Variants in CAPZA2 observed in about 807,000 individuals in gnomAD.
CAPZA2 encodes the protein F-actin-capping protein subunit alpha-2.
CAPZA2 carries 13 observed loss-of-function variants against 44.0 expected under a neutral mutation model. The ratio of observed to expected loss-of-function variants is 0.30; its 90% CI spans 0.19 to 0.47. The LOEUF (loss-of-function observed/expected upper bound fraction) is 0.47. Among genes scored for constraint, CAPZA2 ranks in the 20% least tolerant of loss-of-function variants. CAPZA2 has a pLI of 1.00. For missense variants in CAPZA2, 244 were observed against 338.6 expected (o/e 0.72, Z 2.19); for synonymous variants, 94 against 108.2 (o/e 0.87, Z 0.81).
rs1300012128 is a variant in CAPZA2 at position 116,919,058 on chromosome 7, G to A, written c.*1191G>A. The A allele has an allele frequency of 3.3e-5, 5 of 150,924 alleles. No homozygotes were observed. The highest frequency in any genetic ancestry group is 5.9e-5 in the Non-Finnish European group (4 of 67,830). The allele number at this position is 150,924 out of a possible 1,614,324, so 9.3% of individuals were successfully genotyped here. On this transcript the variant is annotated 3_prime_UTR_variant, in exon 10 of 10. Transcript: ENST00000361183. ...CCTTTCCTCACGTACTCCCACAGAC[G>A]TCTGGGCCTGGAAATTTTTTTTTTA...
At chr7:116,870,075 G>A (rs1796532711) in intron 1 of CAPZA2, among the ~76,000 whole-genome samples, 1 of 152,256 alleles carries the variant, frequency 6.6e-6, no homozygotes, top group African/African-American at 2.4e-5. Flanking sequence ...CCTAATTTCA[G>A]AAAGGTCAGG....
At chr7:116,894,890 C>T (rs971794791) in intron 3 of CAPZA2, among the ~76,000 whole-genome samples, 6 of 151,928 alleles carry the variant, frequency 3.9e-5, no homozygotes, top group Admixed American at 3.3e-4. Context: ...TTTGTTTATC[C>T]GTTTATCTTC....
rs892707107 is a variant in CAPZA2 at position 116,920,481 on chromosome 7, T to C, written c.*2614T>C. On this transcript the variant is annotated 3_prime_UTR_variant, in exon 10 of 10. Transcript: ENST00000361183. Reference sequence around the variant, plus strand: ...TGAGGTGGTTGCTGTAGAGGTGGTATAAAGCAGTGAGGTCTAGGTATATCC... The same window carrying C: ...TGAGGTGGTTGCTGTAGAGGTGGTACAAAGCAGTGAGGTCTAGGTATATCC... 13 of 152,174 alleles carry C rather than the reference T, an allele frequency of 8.5e-5. No individual in the cohort carries two copies. Among genetic ancestry groups the C allele is most frequent in the African/African-American group, 2.9e-4 (12 of 41,386 alleles). 9.4% of individuals were successfully genotyped at this position (152,174 alleles called of 1,614,324 possible).
chr7:116,862,936 C>CGGGCGCG (rs1796436357), intron 1 of CAPZA2, among the ~76,000 whole-genome samples: 1 of 152,004 alleles, frequency 6.6e-6, no homozygotes, highest in Non-Finnish European at 1.5e-5. Context: ...GGCGCGGGCG[C>CGGGCGCG]GGGGGAGGGC....
chr7:116,891,602 C>T lies in CAPZA2; in HGVS notation c.104-1392C>T, dbSNP rs1217026520. Among the ~76,000 whole-genome samples the T allele has an allele frequency of 2.0e-5, 3 of 152,162 alleles. No individual in the cohort carries two copies. In the East Asian group the frequency reaches 5.8e-4, roughly 29 times the overall value. On this transcript the variant is annotated intron_variant, in intron 2 of 9. Coordinates refer to ENST00000361183, the MANE Select transcript of CAPZA2 (RefSeq NM_006136.3). Reference sequence around the variant, plus strand: ...TCTCGGCTCACTGCAAGCTCCGCCTCCCGGGTTCACGCCATTCTCCTGCCT... The same window carrying T: ...TCTCGGCTCACTGCAAGCTCCGCCTTCCGGGTTCACGCCATTCTCCTGCCT...
chr7:116,884,855 T>G (rs182794382), intron 1 of CAPZA2, among the ~76,000 whole-genome samples: 3 of 152,358 alleles, frequency 2.0e-5, no homozygotes, highest in Non-Finnish European at 4.4e-5. Context: ...TGAATGATTT[T>G]GCATTTCCAC....
At chr7:116,880,049 A>ATTT in intron 1 of CAPZA2, 1 of 461,024 alleles carries the variant, frequency 2.2e-6, no homozygotes, top group Non-Finnish European at 4.5e-6. Flanking sequence ...GCTCTGATTG[A>ATTT]TTTTTTTTTC....
chr7:116,900,829 G>A (rs989695530), intron 4 of CAPZA2, among the ~76,000 whole-genome samples: 4 of 151,738 alleles, frequency 2.6e-5, no homozygotes, highest in African/African-American at 4.8e-5. Context: ...AAAAACAAGC[G>A]CATTAAAAAG....
chr7:116,884,744 G>A (rs1208325989), intron 1 of CAPZA2, among the ~76,000 whole-genome samples: 1 of 152,124 alleles, frequency 6.6e-6, no homozygotes, highest in African/African-American at 2.4e-5. Flanking sequence ...AAATAAGTTT[G>A]CATTTCTGAA....
Position 116,893,065 on chromosome 7 carries a change from C to G in CAPZA2, c.155+20C>G. ...AGCCCAGTAAGTATTATTTATCATA[C>G]TAACCTAACTAAAATGACATGGGAA... On this transcript the variant is annotated intron_variant, in intron 3 of 9. Coordinates refer to ENST00000361183, the MANE Select transcript of CAPZA2 (RefSeq NM_006136.3). The G allele has an allele frequency of 6.8e-7, 1 of 1,478,788 alleles. No individual in the cohort carries two copies. Among genetic ancestry groups the G allele is most frequent in the Non-Finnish European group, 9.3e-7 (1 of 1,076,846 alleles). The allele number at this position is 1,478,788 out of a possible 1,614,324, so 91.6% of individuals were successfully genotyped here. A position where few individuals can be genotyped will look rare whatever the true frequency, so the allele number is the denominator to read the frequency against.
Position 116,918,059 on chromosome 7 carries a change from T to C in CAPZA2, c.*192T>C, listed in dbSNP as rs150060817. 93 of 490,436 alleles carry C rather than the reference T, an allele frequency of 1.9e-4. No individual in the cohort carries two copies. In the East Asian group the frequency reaches 2.8e-3, roughly 15 times the overall value. The allele number at this position is 490,436 out of a possible 1,614,324, so 30.4% of individuals were successfully genotyped here. On this transcript the variant is annotated 3_prime_UTR_variant, in exon 10 of 10. Transcript: ENST00000361183. ...TTTCATTTTGTTTGTTCTAAGAGGA[T>C]TGAAAATCAGTTTAGTTTAAATGTC...
At chr7:116,911,979 T>G in intron 7 of CAPZA2, 90 bp from the exon 8 acceptor site, 1 of 1,577,668 alleles carries the variant, frequency 6.3e-7, no homozygotes, top group South Asian at 1.1e-5. Context: ...AGCTGAAATA[T>G]GTAGTCAGTC....
At chr7:116,874,212 C>A in intron 1 of CAPZA2, 1 of 155,268 alleles carries the variant, frequency 6.4e-6, no homozygotes. Flanking sequence ...ATATGCTTTA[C>A]CTTCCATTTA....
chr7:116,888,276 C>T (rs1562959478), intron 2 of CAPZA2, 86 bp downstream of exon 2: 1 of 866,880 alleles, frequency 1.2e-6, no homozygotes, highest in Non-Finnish European at 1.8e-6. Context: ...AAGCTAAGGA[C>T]AGTATGCAGA....
chr7:116,865,172 C>CT (rs1796467030), intron 1 of CAPZA2, among the ~76,000 whole-genome samples: 1 of 126,006 alleles, frequency 7.9e-6, no homozygotes, highest in African/African-American at 3.2e-5. Flanking sequence ...ATTATGCGCT[C>CT]TCTTCTTTTT....
intron 3 of CAPZA2, among the ~76,000 whole-genome samples, chr7:116,897,270 C>G (rs533396323): frequency 1.3e-5 from 2 of 152,070 alleles, no homozygotes; most frequent in African/African-American, 2.4e-5. Context: ...TTAATAATGC[C>G]CTGGCTGTAT....
At chr7:116,869,969 A>G (rs1225371077) in intron 1 of CAPZA2, among the ~76,000 whole-genome samples, 1 of 152,180 alleles carries the variant, frequency 6.6e-6, no homozygotes, top group Non-Finnish European at 1.5e-5. Context: ...TCCCGGGTTC[A>G]GGCAATTCTC....
chr7:116,867,127 C>A (rs924334698), intron 1 of CAPZA2, among the ~76,000 whole-genome samples: 7 of 152,116 alleles, frequency 4.6e-5, no homozygotes, highest in African/African-American at 1.7e-4. Flanking sequence ...AAAGTTAATT[C>A]ATTTATATTA....
rs868789486 is a variant in CAPZA2 at position 116,866,205 on chromosome 7, A to G, written c.39+3555A>G. 1.5e-3 allele frequency among the ~76,000 whole-genome samples: 214 copies of G among 139,870 alleles called. 1 individual carries two copies. Among genetic ancestry groups the G allele is most frequent in the African/African-American group, 5.4e-3 (201 of 36,978 alleles). The allele number at this position is 139,870 out of a possible 152,430, so 91.8% of individuals were successfully genotyped here. A position where few individuals can be genotyped will look rare whatever the true frequency, so the allele number is the denominator to read the frequency against. The stretch of plus-strand genomic sequence containing the variant: ...CATAGACTTTTTTTTTTTTTTTTTG[A>G]GACGGAGTCTCGCTCTTTCACCCAG... On this transcript the variant is annotated intron_variant, in intron 1 of 9. Transcript: ENST00000361183.
Sources: gnomAD v4.1 joint callset for allele counts (sites outside exome capture counted in the v4.1 genomes callset) on GRCh38, gnomAD v4.1.1 for gene constraint, MANE v1.5 for transcripts, NCBI Gene and HGNC (gene_info 2026-07-23, HGNC 2026-07-21) for gene names.